The following KCNIP4 variants were observed in gnomAD, a reference collection of about 807,000 sequenced individuals.
The protein encoded by KCNIP4 is potassium voltage-gated channel interacting protein 4.
A neutral mutation model predicts 34.0 loss-of-function variants in KCNIP4; 12 were observed. The observed-to-expected ratio is 0.35, with a 90% CI of 0.23 to 0.57. The LOEUF (loss-of-function observed/expected upper bound fraction) is 0.57, where lower values mean the gene tolerates loss of function less well. Ranked by LOEUF, KCNIP4 falls within the 20% of genes least tolerant of loss-of-function variation. The pLI is 0.83. For synonymous variants in KCNIP4, 124 were observed against 102.2 expected (o/e 1.21, Z -1.29); for missense variants, 238 against 311.7 (o/e 0.76, Z 1.78).
intron 1 of KCNIP4, among the ~76,000 whole-genome samples, chr4:20,968,460 A>G (rs1734599357): frequency 6.6e-6 from 1 of 152,202 alleles, no homozygotes; most frequent in Non-Finnish European, 1.5e-5. Context: ...TCATGCTATT[A>G]TAAAGACACA....
intron 3 of KCNIP4, among the ~76,000 whole-genome samples, chr4:20,815,880 G>T (rs1247781588): frequency 1.3e-5 from 2 of 152,098 alleles, no homozygotes; most frequent in Non-Finnish European, 2.9e-5. Flanking sequence ...ACTTTCTCAA[G>T]GTTCCCAGTT....
At chr4:21,798,551 A>G (rs1261352931) in intron 1 of KCNIP4, among the ~76,000 whole-genome samples, 1 of 133,206 alleles carries the variant, frequency 7.5e-6, no homozygotes, top group African/African-American at 2.6e-5. Context: ...AGAGAGAGAA[A>G]GAGAGAAAGA....
intron 1 of KCNIP4, among the ~76,000 whole-genome samples, chr4:21,072,697 G>C (rs1027584392): frequency 6.6e-6 from 1 of 152,080 alleles, no homozygotes; most frequent in Admixed American, 6.6e-5. Context: ...TGCTTTTCGT[G>C]TTTTAAACAT....
intron 1 of KCNIP4, among the ~76,000 whole-genome samples, chr4:21,046,749 G>A (rs971764970): frequency 7.2e-5 from 11 of 152,112 alleles, no homozygotes; most frequent in African/African-American, 2.2e-4. Flanking sequence ...GCGCAACCAC[G>A]CCAGGCTAAT....
At chr4:21,722,166 C>A (rs1714865153) in intron 1 of KCNIP4, among the ~76,000 whole-genome samples, 1 of 152,156 alleles carries the variant, frequency 6.6e-6, no homozygotes, top group Admixed American at 6.6e-5. Context: ...GAAAGCCATT[C>A]ATTTATTCAA....
chr4:21,273,527 GCTTGACTCAC>G (rs753885961), intron 1 of KCNIP4, among the ~76,000 whole-genome samples: 2 of 152,106 alleles, frequency 1.3e-5, no homozygotes, highest in Non-Finnish European at 2.9e-5. Flanking sequence ...GGGGAGAGTG[GCTTGACTCAC>G]TCCATAATCC....
chr4:21,392,380 G>C (rs1414346496), intron 1 of KCNIP4, among the ~76,000 whole-genome samples: 1 of 152,144 alleles, frequency 6.6e-6, no homozygotes, highest in African/African-American at 2.4e-5. Context: ...GATAGCATTA[G>C]CTCCAATTAC....
At chr4:21,566,292 T>A (rs964289400) in intron 1 of KCNIP4, among the ~76,000 whole-genome samples, 11 of 152,200 alleles carry the variant, frequency 7.2e-5, no homozygotes, top group Non-Finnish European at 8.8e-5. Context: ...ATAGACCTAT[T>A]GATATGGTTT....
chr4:20,893,373 A>G (rs1191762090), intron 1 of KCNIP4, among the ~76,000 whole-genome samples: 1 of 152,086 alleles, frequency 6.6e-6, no homozygotes, highest in Non-Finnish European at 1.5e-5. Flanking sequence ...AAGCGCTGCC[A>G]CTTTTTGTTT....
chr4:21,171,166 G>C (rs757025040), intron 1 of KCNIP4, among the ~76,000 whole-genome samples: 1 of 152,122 alleles, frequency 6.6e-6, no homozygotes, highest in Non-Finnish European at 1.5e-5. Context: ...CTTTCAGGTG[G>C]TTAAATGGCA....
intron 1 of KCNIP4, among the ~76,000 whole-genome samples, chr4:21,886,916 G>C (rs1726800057): frequency 6.6e-6 from 1 of 152,086 alleles, no homozygotes; most frequent in Admixed American, 6.6e-5. Flanking sequence ...GAGAGTGTGA[G>C]CGTTCATTTG....
chr4:20,852,158 C>A (rs1230474356), intron 2 of KCNIP4, among the ~76,000 whole-genome samples: 1 of 130,354 alleles, frequency 7.7e-6, no homozygotes, highest in African/African-American at 2.5e-5. Context: ...ACAAAACCAG[C>A]AAATGACATA....
intron 1 of KCNIP4, among the ~76,000 whole-genome samples, chr4:21,114,065 T>G (rs1361824915): frequency 2.0e-5 from 3 of 152,158 alleles, no homozygotes; most frequent in Non-Finnish European, 4.4e-5. Flanking sequence ...CTGTTTCCTA[T>G]CCCTGATTCA....
chr4:21,477,573 A>G (rs1304047413), intron 1 of KCNIP4, among the ~76,000 whole-genome samples: 2 of 152,188 alleles, frequency 1.3e-5, no homozygotes, highest in Non-Finnish European at 2.9e-5. Context: ...CTTGCCATGG[A>G]CAAAGGTGAA....
intron 1 of KCNIP4, among the ~76,000 whole-genome samples, chr4:21,731,328 G>A (rs535282190): frequency 3.3e-5 from 5 of 152,178 alleles, no homozygotes; most frequent in Middle Eastern, 3.4e-3. Context: ...ATACACAAAC[G>A]ATATAGCAGA....
At chr4:20,731,320 C>T (rs963788845) in intron 8 of KCNIP4, 7 of 872,406 alleles carry the variant, frequency 8.0e-6, no homozygotes, top group African/African-American at 5.5e-5. Flanking sequence ...GTTATCTTCC[C>T]GCCTCAGCCT....
intron 1 of KCNIP4, among the ~76,000 whole-genome samples, chr4:21,638,719 T>A (rs911193343): frequency 1.4e-4 from 21 of 152,174 alleles, no homozygotes; most frequent in African/African-American, 4.8e-4. Context: ...TGTTGCACAT[T>A]TCATTAAAAA....
intron 1 of KCNIP4, among the ~76,000 whole-genome samples, chr4:21,747,270 C>G (rs1167605484): frequency 6.6e-6 from 1 of 152,110 alleles, no homozygotes; most frequent in African/African-American, 2.4e-5. Context: ...GAATCCTTAG[C>G]AGGTCAAGTT....
At chr4:21,248,458 A>C (rs912374336) in intron 1 of KCNIP4, among the ~76,000 whole-genome samples, 1 of 152,176 alleles carries the variant, frequency 6.6e-6, no homozygotes, top group African/African-American at 2.4e-5. Context: ...GGTTTCTCTG[A>C]ATATTCAGTT....
Sources: allele counts gnomAD v4.1 joint callset (sites outside exome capture counted in the v4.1 genomes callset), GRCh38; gene constraint gnomAD v4.1.1; transcripts MANE v1.5; gene names NCBI Gene and HGNC (gene_info 2026-07-23, HGNC 2026-07-21).